MYL4: variants seen among roughly 807,000 people sequenced by gnomAD.
MYL4 encodes atrial myosin light chain 1.
In MYL4, 16 loss-of-function variants were observed where a neutral mutation model predicts 21.6. The ratio of observed to expected loss-of-function variants is 0.74; its 90% CI spans 0.50 to 1.12. The LOEUF is 1.12. MYL4 is among the 50% of genes most tolerant of loss of function. The pLI is 0.00. For synonymous variants in MYL4, 82 were observed against 95.7 expected (o/e 0.86, Z 0.83); for missense variants, 249 against 252.9 (o/e 0.98, Z 0.11).
intron 1 of MYL4, among the ~76,000 whole-genome samples, chr17:47,210,632 T>C (rs1958659111): frequency 6.6e-6 from 1 of 152,080 alleles, no homozygotes; most frequent in Non-Finnish European, 1.5e-5. Context: ...CCCAGAGCTC[T>C]AATTGTATGA....
the MYL4 span, among the ~76,000 whole-genome samples, chr17:47,190,871 TA>T: frequency 6.6e-6 from 1 of 152,202 alleles, no homozygotes; most frequent in Admixed American, 6.5e-5. Flanking sequence ...GTGACTGCCA[TA>T]TTGGACAGTC....
At chr17:47,216,329 TGTA>T (rs1461950856) in intron 2 of MYL4, among the ~76,000 whole-genome samples, 1 of 150,738 alleles carries the variant, frequency 6.6e-6, no homozygotes, top group Non-Finnish European at 1.5e-5. Context: ...TTTTTCTAGT[TGTA>T]GTCCTAAACT....
At chr17:47,193,859 G>A in the MYL4 span, among the ~76,000 whole-genome samples, 13 of 152,184 alleles carry the variant, frequency 8.5e-5, no homozygotes, top group South Asian at 1.0e-3. Flanking sequence ...AGGTTCAAGC[G>A]ATTCTCCTGC....
Position 47,222,410 on chromosome 17 carries a change from A to C in MYL4, c.518A>C (p.Gln173Pro), listed in dbSNP as rs373421058. 7 of 1,614,070 alleles carry C rather than the reference A, an allele frequency of 4.3e-6. No individual in the cohort carries two copies. The African/African-American group carries it at 6.7e-5, about 15-fold the overall frequency. Residue 173 changes from glutamine (Q) to proline (P), a missense_variant, in exon 5 of 7, where the codon CAG becomes CCG. Physicochemically the swap from Gln to Pro is moderately conservative, Grantham distance 76. Transcript: ENST00000393450. ...AAGATGACTGAGGCTGAAGTGGAGC[A>C]GCTGTTAGCTGGGCAAGAGGATGCC... ...GEKMTEAEVE[Q>P]LLAGQEDANG... is the part of the protein sequence containing the mutation.
chr17:47,222,570 A>AC (rs1567750305), intron 5 of MYL4, 113 bp downstream of exon 5: 20 of 859,624 alleles, frequency 2.3e-5, no homozygotes, highest in Admixed American at 6.4e-5. Flanking sequence ...GTTTTTGTAG[A>AC]CCCCCCATTG....
At chr17:47,202,897 C>G (rs570648412) in intron 1 of MYL4, among the ~76,000 whole-genome samples, 44 of 152,222 alleles carry the variant, frequency 2.9e-4, no homozygotes, top group African/African-American at 9.9e-4. Context: ...AATTCCTTCA[C>G]CTATCTAGAT....
chr17:47,227,505 T>G (rs566894252), downstream of MYL4, among the ~76,000 whole-genome samples: 1 of 152,128 alleles, frequency 6.6e-6, no homozygotes, highest in Non-Finnish European at 1.5e-5. Flanking sequence ...AAATTTACAC[T>G]GAATGTGCCT....
At chr17:47,216,202 G>T (rs2064812799) in intron 2 of MYL4, among the ~76,000 whole-genome samples, 1 of 151,720 alleles carries the variant, frequency 6.6e-6, no homozygotes, top group East Asian at 1.9e-4. Context: ...ACTACCACTG[G>T]ACTCATTGCT....
At chr17:47,224,340 C>G (rs2064877354), downstream of MYL4, among the ~76,000 whole-genome samples, 5 of 152,158 alleles carry the variant, frequency 3.3e-5, no homozygotes, top group Admixed American at 3.3e-4. Context: ...TAAAAACCAT[C>G]AGATCTTGTG....
At chr17:47,208,550 TACACACACAC>T (rs55886095), upstream of MYL4, among the ~76,000 whole-genome samples, 225 of 145,964 alleles carry the variant, frequency 1.5e-3, 2 homozygotes, top group Middle Eastern at 7.0e-3. Flanking sequence ...TAGTAAGCAC[TACACACACAC>T]ACACACACAC....
At chr17:47,224,992 G>A (rs192943245), downstream of MYL4, among the ~76,000 whole-genome samples, 3 of 152,216 alleles carry the variant, frequency 2.0e-5, no homozygotes, top group African/African-American at 7.2e-5. Context: ...TATATGAGTA[G>A]AAATATTTAT....
At chr17:47,192,604 C>G in the MYL4 span, among the ~76,000 whole-genome samples, 1 of 150,692 alleles carries the variant, frequency 6.6e-6, no homozygotes, top group Non-Finnish European at 1.5e-5. Flanking sequence ...GAGCTGAGAT[C>G]GGGCCACTGC....
the MYL4 span, among the ~76,000 whole-genome samples, chr17:47,191,625 C>T: frequency 1.3e-5 from 2 of 152,138 alleles, no homozygotes; most frequent in Admixed American, 1.3e-4. Flanking sequence ...TGCGCACCAC[C>T]ACGCCCGGTT....
downstream of MYL4, among the ~76,000 whole-genome samples, chr17:47,227,409 C>G (rs1489648035): frequency 6.6e-6 from 1 of 152,212 alleles, no homozygotes. Flanking sequence ...CTATTTCGAA[C>G]CCAGATCCAG....
At chr17:47,198,411 T>C (rs9898940), upstream of MYL4, among the ~76,000 whole-genome samples, 1,173 of 152,166 alleles carry the variant, frequency 7.7e-3, 18 homozygotes, top group African/African-American at 0.027. Context: ...AGATAAAAAA[T>C]ATCTATAGCA....
chr17:47,209,365 C>G lies in MYL4; in HGVS notation c.-58C>G. 6.2e-7 allele frequency: 1 copy of G among 1,612,218 alleles called. No individual in the cohort carries two copies. Among genetic ancestry groups the G allele is most frequent in the Non-Finnish European group, 8.5e-7 (1 of 1,178,974 alleles). On this transcript the variant is annotated 5_prime_UTR_variant, in exon 1 of 7. Transcript: ENST00000393450. ...AGGCTCCTATCTCATCTCCCAGACG[C>G]CACGTCTCTCGGTTTCTTCTTAGAT...
chr17:47,219,193 G>C (rs1342363269), intron 2 of MYL4, among the ~76,000 whole-genome samples: 1 of 152,264 alleles, frequency 6.6e-6, no homozygotes, highest in Non-Finnish European at 1.5e-5. Context: ...GCCTGGAACA[G>C]GCAGTACTGA....
downstream of MYL4, among the ~76,000 whole-genome samples, chr17:47,224,840 C>T (rs559690179): frequency 1.3e-5 from 2 of 151,994 alleles, no homozygotes; most frequent in Non-Finnish European, 2.9e-5. Context: ...AGCTCAGTGC[C>T]CTGGAAAGAG....
chr17:47,209,368 C>T lies in MYL4; in HGVS notation c.-55C>T, dbSNP rs150616965. The T allele has an allele frequency of 6.5e-5, 105 of 1,612,330 alleles. No individual in the cohort carries two copies. The highest frequency in any genetic ancestry group is 1.7e-4 in the Middle Eastern group (1 of 6,040). ...CTCCTATCTCATCTCCCAGACGCCA[C>T]GTCTCTCGGTTTCTTCTTAGATCAC... On this transcript the variant is annotated 5_prime_UTR_variant, in exon 1 of 7. In the 5' UTR this introduces an upstream ATG that the reference lacks. Transcript: ENST00000393450.
Sources: allele counts gnomAD v4.1 joint callset (sites outside exome capture counted in the v4.1 genomes callset), GRCh38; gene constraint gnomAD v4.1.1; transcripts MANE v1.5; gene names NCBI Gene and HGNC (gene_info 2026-07-23, HGNC 2026-07-21).